CDH10: variants seen among roughly 807,000 people sequenced by gnomAD.
CDH10 encodes the protein cadherin-10.
Under a neutral mutation model 73.1 loss-of-function variants are expected in CDH10, and 30 were observed. The observed-to-expected ratio is 0.41, with a 90% CI of 0.31 to 0.56. The LOEUF is 0.56. CDH10 is among the 20% of genes least tolerant of loss of function. The probability of loss-of-function intolerance (pLI) is 0.27; values close to 1 mark genes in which losing one functional copy is unlikely to be tolerated. For missense variants in CDH10, 815 were observed against 973.7 expected (o/e 0.84, Z 2.17); for synonymous variants, 345 against 348.2 (o/e 0.99, Z 0.10).
intron 2 of CDH10, among the ~76,000 whole-genome samples, chr5:24,556,410 T>C (rs543771015): frequency 5.6e-4 from 85 of 152,168 alleles, no homozygotes; most frequent in Non-Finnish European, 1.0e-3. Flanking sequence ...TTAAGAATAA[T>C]TGTGTTTGAT....
At chr5:24,584,322 T>G (rs77135144) in intron 2 of CDH10, among the ~76,000 whole-genome samples, 3,763 of 152,134 alleles carry the variant, frequency 0.025, 149 homozygotes, top group African/African-American at 0.081. Context: ...TGATTTAAAT[T>G]AGCATGTCTT....
chr5:24,599,958 A>G (rs993162595), intron 1 of CDH10, among the ~76,000 whole-genome samples: 1 of 152,148 alleles, frequency 6.6e-6, no homozygotes. Flanking sequence ...CTCCTAAATT[A>G]TGCATGTGTA....
chr5:24,542,581 A>G (rs1042914141), intron 2 of CDH10, among the ~76,000 whole-genome samples: 1 of 152,144 alleles, frequency 6.6e-6, no homozygotes, highest in African/African-American at 2.4e-5. Context: ...ACATTCTACA[A>G]TGTTTGCACA....
In CDH10 at chr5:24,517,291, C is replaced by A. The variant is rs12513417; in HGVS notation, c.815-5777G>T. ...AAAGGTCTACAATTTCATTTCTTGG[C>A]GTGAAACACAATTCTAACGCCCAAA... is the stretch of plus-strand genomic sequence containing the variant. On this transcript the variant is annotated intron_variant, in intron 5 of 11. Coordinates refer to ENST00000264463, the MANE Select transcript of CDH10 (RefSeq NM_006727.5). Among the ~76,000 whole-genome samples, 261 of 152,188 alleles carry A rather than the reference C, an allele frequency of 1.7e-3. 1 individual carries two copies. Among genetic ancestry groups the A allele is most frequent in the African/African-American group, 6.1e-3 (254 of 41,540 alleles).
chr5:24,573,061 C>A (rs1211480440), intron 2 of CDH10, among the ~76,000 whole-genome samples: 1 of 147,394 alleles, frequency 6.8e-6, no homozygotes, highest in Non-Finnish European at 1.5e-5. Context: ...CCAAAAGTAA[C>A]AAGAACATGT....
At chr5:24,574,879 A>C (rs1276627769) in intron 2 of CDH10, among the ~76,000 whole-genome samples, 1 of 151,866 alleles carries the variant, frequency 6.6e-6, no homozygotes, top group Non-Finnish European at 1.5e-5. Context: ...GTACAAATAG[A>C]AAACAAATAG....
At chr5:24,491,290 T>G (rs1283235343) in intron 11 of CDH10, among the ~76,000 whole-genome samples, 3 of 152,228 alleles carry the variant, frequency 2.0e-5, no homozygotes, top group African/African-American at 7.2e-5. Context: ...TTTACTGCAT[T>G]GTGGTGAAAG....
chr5:24,509,762 G>A lies in CDH10; in HGVS notation c.1060C>T (p.His354Tyr), dbSNP rs1742829527. Residue 354 changes from histidine (H) to tyrosine (Y), a missense_variant, in exon 7 of 12, where the codon CAT becomes TAT. Physicochemically the swap from His to Tyr is moderately conservative, Grantham distance 83 (BLOSUM62 2). Transcript: ENST00000264463. ...YTLKVEAENTHVDPRFYYLGP... is the reference protein window; with the variant it reads ...YTLKVEAENTYVDPRFYYLGP... ...AGGTAATAAAAACGGGGATCTACAT[G>A]GGTGTTTTCTGCTTCGACTTTCAGA... 2.5e-6 allele frequency: 4 copies of A among 1,611,194 alleles called. No individual in the cohort carries two copies. Among genetic ancestry groups the A allele is most frequent in the Non-Finnish European group, 3.4e-6 (4 of 1,177,420 alleles).
At chr5:24,526,616 C>T (rs1477829733) in intron 5 of CDH10, among the ~76,000 whole-genome samples, 7 of 151,762 alleles carry the variant, frequency 4.6e-5, no homozygotes, top group Non-Finnish European at 8.8e-5. Flanking sequence ...TACCTTTTAA[C>T]CCTCAAACCT....
At chr5:24,508,677 C>G (rs1421789570) in intron 7 of CDH10, among the ~76,000 whole-genome samples, 1 of 152,022 alleles carries the variant, frequency 6.6e-6, no homozygotes, top group African/African-American at 2.4e-5. Context: ...CACCACCATG[C>G]CTGGCTAATT....
chr5:24,562,673 A>C (rs910284226), intron 2 of CDH10, among the ~76,000 whole-genome samples: 3 of 152,156 alleles, frequency 2.0e-5, no homozygotes, highest in Admixed American at 6.5e-5. Context: ...AAAGACAAAA[A>C]ATATTTCCCT....
chr5:24,594,102 C>CAAACA (rs70965620), intron 1 of CDH10, among the ~76,000 whole-genome samples: 68,689 of 150,338 alleles, frequency 0.46, 17,806 homozygotes, highest in East Asian at 0.61. Context: ...AGTAAAGGCA[C>CAAACA]AAACAAAACA....
At chr5:24,532,051 A>G (rs1743774909) in intron 5 of CDH10, among the ~76,000 whole-genome samples, 1 of 152,112 alleles carries the variant, frequency 6.6e-6, no homozygotes, top group Admixed American at 6.6e-5. Context: ...TAGGGAGGGC[A>G]AAATTATCAC....
At chr5:24,628,410 A>G (rs1217102667) in intron 1 of CDH10, among the ~76,000 whole-genome samples, 2 of 152,172 alleles carry the variant, frequency 1.3e-5, no homozygotes, top group Non-Finnish European at 2.9e-5. Context: ...TGGTAATTCA[A>G]TATACATATG....
chr5:24,611,495 T>A (rs1178397672), intron 1 of CDH10, among the ~76,000 whole-genome samples: 1 of 152,208 alleles, frequency 6.6e-6, no homozygotes, highest in African/African-American at 2.4e-5. Context: ...AACAATAGAC[T>A]GTTCATAACT....
In CDH10 at chr5:24,644,834, G is replaced by GA. The variant is rs11380416; in HGVS notation, c.-365dup. ...TCAGTGCTTCTGATTAAGGGGAAAGGAAAAAAAAAAAAAAGGAAAGGGGGG... is the reference window on the plus strand; with the variant it reads ...TCAGTGCTTCTGATTAAGGGGAAAGGAAAAAAAAAAAAAAAGGAAAGGGGGG... On this transcript the variant is annotated 5_prime_UTR_variant, in exon 1 of 12. The change abolishes the stop of an existing upstream ORF in the 5' untranslated region. Coordinates refer to ENST00000264463, the MANE Select transcript of CDH10 (RefSeq NM_006727.5). The GA allele has an allele frequency of 0.74, 102,963 of 139,190 alleles. 39,721 individuals carry two copies. Among genetic ancestry groups the GA allele is most frequent in the Non-Finnish European group, 0.85 (55,360 of 65,388 alleles). The allele number at this position is 139,190 out of a possible 1,614,324, so 8.6% of individuals were successfully genotyped here.
intron 5 of CDH10, among the ~76,000 whole-genome samples, chr5:24,528,295 T>G (rs1743604586): frequency 6.6e-6 from 1 of 151,908 alleles, no homozygotes; most frequent in Non-Finnish European, 1.5e-5. Context: ...CTGAAGCATC[T>G]TCCTTGGGGC....
At chr5:24,536,536 C>G (rs992681641) in intron 3 of CDH10, among the ~76,000 whole-genome samples, 1 of 152,028 alleles carries the variant, frequency 6.6e-6, no homozygotes, top group Admixed American at 6.6e-5. Context: ...TGAGAAGTGT[C>G]TATTCTCTTA....
rs541457361 is a variant in CDH10 at position 24,608,277 on chromosome 5, T to G, written c.-123-14664A>C. Among the ~76,000 whole-genome samples, 279 of 152,210 alleles carry G rather than the reference T, an allele frequency of 1.8e-3. 2 individuals are homozygous for G. The highest frequency in any genetic ancestry group is 6.6e-3 in the African/African-American group (272 of 41,518). ...TGTTGTTTCTTAGTGGCTTAATTTA[T>G]TTACATTTTGAATGTTTTTTTTTAT... On this transcript the variant is annotated intron_variant, in intron 1 of 11. Coordinates refer to ENST00000264463, the MANE Select transcript of CDH10 (RefSeq NM_006727.5).
Sources: gnomAD v4.1 joint callset for allele counts (sites outside exome capture counted in the v4.1 genomes callset) on GRCh38, gnomAD v4.1.1 for gene constraint, MANE v1.5 for transcripts, NCBI Gene and HGNC (gene_info 2026-07-23, HGNC 2026-07-21) for gene names.